KSR2: variants seen among roughly 807,000 people sequenced by gnomAD.
KSR2 encodes kinase suppressor of ras 2.
Under a neutral mutation model 107.8 loss-of-function variants are expected in KSR2, and 25 were observed. The ratio of observed to expected loss-of-function variants is 0.23; its 90% CI spans 0.17 to 0.32. KSR2 has a LOEUF of 0.32. KSR2 is among the 10% of genes least tolerant of loss of function. KSR2 has a pLI of 1.00. For missense variants in KSR2, 887 were observed against 1,268.9 expected (o/e 0.70, Z 4.57); for synonymous variants, 480 against 507.0 (o/e 0.95, Z 0.71).
intron 3 of KSR2, among the ~76,000 whole-genome samples, chr12:117,793,530 C>T (rs111219524): frequency 4.7e-4 from 68 of 145,734 alleles, no homozygotes; most frequent in South Asian, 6.7e-4. Context: ...CATACACCAA[C>T]GTGCACTCAC....
chr12:117,834,500 T>C (rs372366234), intron 3 of KSR2, among the ~76,000 whole-genome samples: 4 of 151,948 alleles, frequency 2.6e-5, no homozygotes, highest in African/African-American at 9.7e-5. Context: ...GAAACTGTCC[T>C]GAGTAGATTG....
At chr12:117,509,259 C>G (rs534806711) in intron 14 of KSR2, among the ~76,000 whole-genome samples, 2 of 152,184 alleles carry the variant, frequency 1.3e-5, no homozygotes, top group African/African-American at 4.8e-5. Context: ...ATTCTTGGCC[C>G]CCTCCTCCTT....
chr12:117,798,714 A>T (rs1243132745), intron 3 of KSR2, among the ~76,000 whole-genome samples: 1,049 of 85,028 alleles, frequency 0.012, 10 homozygotes, highest in African/African-American at 0.053. Flanking sequence ...AAGTCCAAAA[A>T]AAAAAAATAT....
At chr12:117,906,196 A>G (rs984593478) in intron 1 of KSR2, among the ~76,000 whole-genome samples, 4 of 151,632 alleles carry the variant, frequency 2.6e-5, no homozygotes, top group African/African-American at 9.7e-5. Context: ...ACAAAAATAC[A>G]AAAAAAATTA....
intron 4 of KSR2, among the ~76,000 whole-genome samples, chr12:117,739,421 A>T (rs674033): frequency 0.7 from 105,774 of 151,906 alleles, 37,294 homozygotes; most frequent in South Asian, 0.87. Context: ...AGCTACAGCA[A>T]CACTAGGTGA....
intron 1 of KSR2, among the ~76,000 whole-genome samples, chr12:117,895,383 A>G (rs1044685617): frequency 6.6e-6 from 1 of 152,134 alleles, no homozygotes; most frequent in African/African-American, 2.4e-5. Flanking sequence ...AAGTTCCCCT[A>G]GCCCAGTGGT....
chr12:117,637,685 T>TGTTTTG (rs1883175193), intron 5 of KSR2, among the ~76,000 whole-genome samples: 1 of 130,252 alleles, frequency 7.7e-6, no homozygotes, highest in African/African-American at 3.2e-5. Context: ...GTTTTTTTTT[T>TGTTTTG]TTTTTTTTTT....
intron 4 of KSR2, among the ~76,000 whole-genome samples, chr12:117,758,250 C>T (rs1565998300): frequency 6.6e-6 from 1 of 152,178 alleles, no homozygotes; most frequent in Non-Finnish European, 1.5e-5. Flanking sequence ...AATTGGGACT[C>T]ACCTCAACTA....
In KSR2 at chr12:117,788,761, C is replaced by A. The variant is rs112873401; in HGVS notation, c.473-27237G>T. ...ATCCTGACTTCAAATGATCCACCTGCCTTGGCCTCCCAAAGTGCTGGGATT... is the reference window on the plus strand; with the variant it reads ...ATCCTGACTTCAAATGATCCACCTGACTTGGCCTCCCAAAGTGCTGGGATT... On this transcript the variant is annotated intron_variant, in intron 3 of 19. Coordinates refer to ENST00000339824, the MANE Select transcript of KSR2 (RefSeq NM_173598.6). 7.2e-3 allele frequency among the ~76,000 whole-genome samples: 1,103 copies of A among 152,316 alleles called. 16 individuals are homozygous for A. The highest frequency in any genetic ancestry group is 0.025 in the African/African-American group (1,046 of 41,574).
intron 9 of KSR2, among the ~76,000 whole-genome samples, chr12:117,540,198 C>T (rs1469379996): frequency 1.3e-5 from 2 of 152,020 alleles, no homozygotes; most frequent in Non-Finnish European, 2.9e-5. Flanking sequence ...TCTGAAAAAC[C>T]CCATGCAGAG....
At chr12:117,880,947 G>T (rs1467753769) in intron 1 of KSR2, among the ~76,000 whole-genome samples, 1 of 150,448 alleles carries the variant, frequency 6.6e-6, no homozygotes, top group African/African-American at 2.5e-5. Context: ...TGGGATTACA[G>T]GCGTGAGCCA....
chr12:117,710,573 T>C (rs996885208), intron 4 of KSR2, among the ~76,000 whole-genome samples: 11 of 152,138 alleles, frequency 7.2e-5, no homozygotes, highest in African/African-American at 2.4e-4. Context: ...TGGGTTCAAA[T>C]CTGAGCTTCA....
chr12:117,906,038 G>A (rs117157960), intron 1 of KSR2, among the ~76,000 whole-genome samples: 1,712 of 146,434 alleles, frequency 0.012, 33 homozygotes, highest in Admixed American at 0.049. Context: ...AGAGATACAG[G>A]GATGAGAAAC....
At chr12:117,545,104 C>T (rs1876764329) in intron 9 of KSR2, among the ~76,000 whole-genome samples, 1 of 152,032 alleles carries the variant, frequency 6.6e-6, no homozygotes, top group Non-Finnish European at 1.5e-5. Context: ...TTATTCTTAG[C>T]TTGTTAATAT....
chr12:117,897,818 A>G lies in KSR2; in HGVS notation c.181-37387T>C, dbSNP rs1216196510. On this transcript the variant is annotated intron_variant, in intron 1 of 19. Transcript: ENST00000339824. This position sits in a 1 kb window ranked among gnomAD's most constrained non-coding sequence, Gnocchi z 4.5. ...GGCTTAATTCCCCAAATTGTTGGGA[A>G]TATTGTTTTATTTTCCTATGAAAAC... 6.6e-6 allele frequency among the ~76,000 whole-genome samples: 1 copy of G among 152,046 alleles called. No individual in the cohort carries two copies. Among genetic ancestry groups the G allele is most frequent in the Admixed American group, 6.6e-5 (1 of 15,262 alleles).
intron 12 of KSR2, among the ~76,000 whole-genome samples, 161 bp from the exon 13 acceptor site, chr12:117,527,280 G>T (rs189560085): frequency 1.6e-5 from 2 of 124,466 alleles, no homozygotes; most frequent in Non-Finnish European, 3.4e-5. Context: ...CCATAACCTC[G>T]ACACACACAC....
At chr12:117,635,856 A>G (rs10850867) in intron 5 of KSR2, among the ~76,000 whole-genome samples, 24,772 of 150,548 alleles carry the variant, frequency 0.16, 2,111 homozygotes, top group Middle Eastern at 0.23. Context: ...CAGTGGCGCG[A>G]TCTCAGCTCA....
chr12:117,700,475 C>T (rs1046898040), intron 4 of KSR2, among the ~76,000 whole-genome samples: 1 of 152,148 alleles, frequency 6.6e-6, no homozygotes, highest in African/African-American at 2.4e-5. Context: ...AGAACAAGGT[C>T]CTTAATGAAC....
At chr12:117,563,812 C>T (rs73405380) in intron 7 of KSR2, among the ~76,000 whole-genome samples, 6,009 of 152,090 alleles carry the variant, frequency 0.04, 382 homozygotes, top group African/African-American at 0.14. Context: ...CAGAGGCATG[C>T]TCATTTTAGG....
Sources: allele counts gnomAD v4.1 joint callset (sites outside exome capture counted in the v4.1 genomes callset), GRCh38; gene constraint gnomAD v4.1.1; non-coding constraint Gnocchi (gnomAD v3.1); transcripts MANE v1.5; gene names NCBI Gene and HGNC (gene_info 2026-07-23, HGNC 2026-07-21).